Variants in PTPRT observed in about 807,000 individuals in gnomAD.
The protein encoded by PTPRT is protein tyrosine phosphatase receptor type T, also known as receptor-type tyrosine-protein phosphatase T.
Under a neutral mutation model 176.8 loss-of-function variants are expected in PTPRT, and 56 were observed. That is an observed-to-expected ratio of 0.32 (90% CI 0.26 to 0.40). The LOEUF (loss-of-function observed/expected upper bound fraction) is 0.40. Among genes scored for constraint, PTPRT ranks in the 10% least tolerant of loss-of-function variants. PTPRT has a pLI of 1.00. For synonymous variants in PTPRT, 783 were observed against 739.0 expected (o/e 1.06, Z -0.96); for missense variants, 1,540 against 1,908.2 (o/e 0.81, Z 3.60).
intron 2 of PTPRT, among the ~76,000 whole-genome samples, chr20:42,839,417 C>T (rs1346712675): frequency 3.3e-5 from 5 of 151,796 alleles, no homozygotes; most frequent in African/African-American, 1.2e-4. Context: ...AGTTTTCATG[C>T]ATAATAAGAA....
At chr20:42,693,029 C>T (rs561042407) in intron 6 of PTPRT, among the ~76,000 whole-genome samples, 3 of 152,262 alleles carry the variant, frequency 2.0e-5, no homozygotes, top group Admixed American at 6.5e-5. Flanking sequence ...ATAAGGTTAA[C>T]GCACTTTATG....
intron 1 of PTPRT, among the ~76,000 whole-genome samples, chr20:43,156,008 T>C (rs534772496): frequency 1.3e-5 from 2 of 152,320 alleles, no homozygotes; most frequent in East Asian, 1.9e-4. Context: ...CTTTGAAATC[T>C]GTCCATCATT....
At chr20:42,295,029 CAG>C (rs1568747700) in intron 12 of PTPRT, among the ~76,000 whole-genome samples, 1 of 151,934 alleles carries the variant, frequency 6.6e-6, no homozygotes, top group Non-Finnish European at 1.5e-5. Context: ...AATTTCTGAG[CAG>C]AGAGACAAAA....
chr20:42,582,170 G>A (rs1252822430), intron 7 of PTPRT, among the ~76,000 whole-genome samples: 1 of 152,196 alleles, frequency 6.6e-6, no homozygotes. Flanking sequence ...CTGTTCTGTG[G>A]AGAGAAGAGA....
intron 13 of PTPRT, among the ~76,000 whole-genome samples, chr20:42,275,494 C>T (rs116917470): frequency 0.013 from 2,015 of 152,194 alleles, 23 homozygotes; most frequent in Non-Finnish European, 0.019. Flanking sequence ...GCTTGAATGG[C>T]AAGAGTTAAT....
intron 7 of PTPRT, among the ~76,000 whole-genome samples, chr20:42,474,367 T>A (rs906268374): frequency 3.7e-4 from 56 of 152,190 alleles, no homozygotes; most frequent in African/African-American, 1.3e-3. Context: ...GTCGGCGTCC[T>A]ACCAAGGAAC....
chr20:42,206,753 C>T (rs545307555), intron 15 of PTPRT, among the ~76,000 whole-genome samples: 49 of 152,334 alleles, frequency 3.2e-4, no homozygotes, highest in Admixed American at 7.8e-4. Flanking sequence ...CAAAGCAGCC[C>T]GGAAGCTCGA....
rs187537076 is a variant in PTPRT at position 42,087,323 on chromosome 20, C to T, written c.3847-1470G>A. ...TTGGCTTGCTGCAACCTCTGCCTCC[C>T]GGGTTCAAGTGGTTCTCCTGCCTCA... On this transcript the variant is annotated intron_variant, in intron 27 of 30. Coordinates refer to ENST00000373187, the MANE Select transcript of PTPRT (RefSeq NM_007050.6). Among the ~76,000 whole-genome samples, 407 of 152,136 alleles carry T rather than the reference C, an allele frequency of 2.7e-3. 3 individuals carry two copies. The highest frequency in any genetic ancestry group is 9.1e-3 in the African/African-American group (379 of 41,530).
intron 7 of PTPRT, among the ~76,000 whole-genome samples, chr20:42,568,457 G>A (rs1358168144): frequency 1.3e-5 from 2 of 152,170 alleles, no homozygotes; most frequent in Non-Finnish European, 2.9e-5. Flanking sequence ...CTTCGTAAGT[G>A]GAGCTAGGTC....
chr20:42,783,866 G>A (rs983722919), intron 3 of PTPRT, among the ~76,000 whole-genome samples: 2 of 152,176 alleles, frequency 1.3e-5, no homozygotes, highest in Admixed American at 1.3e-4. Flanking sequence ...AGGCAGGGGA[G>A]TAGGGATGGG....
intron 12 of PTPRT, among the ~76,000 whole-genome samples, chr20:42,315,184 CAAAAAAAAAAAAAAAAA>C (rs71193656): frequency 1.6e-5 from 1 of 63,404 alleles, no homozygotes; most frequent in South Asian, 6.5e-4. Flanking sequence ...GGCTCCGTCT[CAAAAAAAAAAAAAAAAA>C]AAAAAAAAAA....
intron 1 of PTPRT, among the ~76,000 whole-genome samples, chr20:43,130,243 T>C (rs543883145): frequency 1.3e-5 from 2 of 152,304 alleles, no homozygotes; most frequent in South Asian, 2.1e-4. Flanking sequence ...TTATCTTTTA[T>C]TGAGATGGAA....
intron 16 of PTPRT, among the ~76,000 whole-genome samples, chr20:42,165,047 G>A (rs1989768464): frequency 6.6e-6 from 1 of 152,098 alleles, no homozygotes; most frequent in African/African-American, 2.4e-5. Flanking sequence ...AGGAGCTTGT[G>A]GGATGGGCAG....
chr20:42,172,622 C>A (rs79366069), intron 16 of PTPRT, among the ~76,000 whole-genome samples: 150 of 152,330 alleles, frequency 9.8e-4, no homozygotes, highest in African/African-American at 3.5e-3. Flanking sequence ...ACCCAGTTTT[C>A]CCCAATGTTA....
chr20:42,543,761 T>C (rs775279481), intron 7 of PTPRT, among the ~76,000 whole-genome samples: 2 of 152,158 alleles, frequency 1.3e-5, no homozygotes, highest in African/African-American at 4.8e-5. Context: ...AAATGACTTC[T>C]TGATCCATGG....
chr20:43,098,802 G>A lies in PTPRT; in HGVS notation c.88+90844C>T, dbSNP rs1235146796. ...AAGCATTCGCACTCCAGGACCCTGG[G>A]CTTAGTGGCACATTAGACACTCAAT... On this transcript the variant is annotated intron_variant, in intron 1 of 30. Coordinates refer to ENST00000373187, the MANE Select transcript of PTPRT (RefSeq NM_007050.6). Among the ~76,000 whole-genome samples, 3 of 152,126 alleles carry A rather than the reference G, an allele frequency of 2.0e-5. No homozygotes were observed. The East Asian group carries it at 5.8e-4, about 29-fold the overall frequency.
At chr20:42,876,411 T>C (rs2145838553) in intron 2 of PTPRT, among the ~76,000 whole-genome samples, 2 of 152,282 alleles carry the variant, frequency 1.3e-5, no homozygotes, top group African/African-American at 4.8e-5. Context: ...CAGTTACATG[T>C]GTCACAAGCA....
At chr20:42,375,054 T>C (rs1333809733) in intron 9 of PTPRT, among the ~76,000 whole-genome samples, 1 of 152,252 alleles carries the variant, frequency 6.6e-6, no homozygotes, top group Non-Finnish European at 1.5e-5. Context: ...CCTTTAGCCA[T>C]AGCTTGAAGT....
intron 2 of PTPRT, among the ~76,000 whole-genome samples, chr20:42,852,281 T>C (rs2078486528): frequency 6.6e-6 from 1 of 152,218 alleles, no homozygotes; most frequent in African/African-American, 2.4e-5. Context: ...ACATGATATT[T>C]TTCCAAGTAT....
Sources: gnomAD v4.1 joint callset for allele counts (sites outside exome capture counted in the v4.1 genomes callset) on GRCh38, gnomAD v4.1.1 for gene constraint, MANE v1.5 for transcripts, NCBI Gene and HGNC (gene_info 2026-07-23, HGNC 2026-07-21) for gene names.